Variants in FGF12 observed in about 807,000 individuals in gnomAD.
The protein encoded by FGF12 is fibroblast growth factor 12B.
In FGF12, 14 loss-of-function variants were observed where a neutral mutation model predicts 23.6. The ratio of observed to expected loss-of-function variants is 0.59; its 90% CI spans 0.39 to 0.93. The LOEUF (loss-of-function observed/expected upper bound fraction) is 0.93, where lower values mean the gene tolerates loss of function less well. Among genes scored for constraint, FGF12 ranks in the 40% least tolerant of loss-of-function variants. FGF12 has a pLI of 0.00. For synonymous variants in FGF12, 62 were observed against 77.3 expected (o/e 0.80, Z 1.04); for missense variants, 175 against 217.8 (o/e 0.80, Z 1.24).
At chr3:192,251,566 G>A (rs1712014530) in intron 4 of FGF12, among the ~76,000 whole-genome samples, 1 of 152,042 alleles carries the variant, frequency 6.6e-6, no homozygotes, top group African/African-American at 2.4e-5. Context: ...ATTCATAATA[G>A]CTCCAAACTG....
chr3:192,189,241 G>A (rs1351941831), intron 4 of FGF12, among the ~76,000 whole-genome samples: 1 of 152,054 alleles, frequency 6.6e-6, no homozygotes, highest in East Asian at 1.9e-4. Flanking sequence ...CCCATACTTG[G>A]AGGAATCCAA....
intron 4 of FGF12, among the ~76,000 whole-genome samples, chr3:192,269,280 A>C (rs1673543595): frequency 6.6e-6 from 1 of 152,232 alleles, no homozygotes; most frequent in South Asian, 2.1e-4. Context: ...AAATTTAAAA[A>C]AATGCCTCTC....
At chr3:192,633,289 G>A (rs988328930) in intron 2 of FGF12, among the ~76,000 whole-genome samples, 8 of 152,066 alleles carry the variant, frequency 5.3e-5, no homozygotes, top group African/African-American at 1.9e-4. Context: ...CAAGTGATCC[G>A]CCTGCCTCTG....
At chr3:192,339,966 A>C (rs1376253394) in intron 3 of FGF12, among the ~76,000 whole-genome samples, 1 of 152,124 alleles carries the variant, frequency 6.6e-6, no homozygotes, top group East Asian at 1.9e-4. Flanking sequence ...AGTTCTTTTT[A>C]AGATAAAAAT....
chr3:192,368,894 G>T (rs1719103990), intron 2 of FGF12, among the ~76,000 whole-genome samples: 1 of 152,086 alleles, frequency 6.6e-6, no homozygotes, highest in African/African-American at 2.4e-5. Context: ...AGACACCTCT[G>T]CCTGAAAAGC....
chr3:192,416,848 AAAAC>A (rs1721373483), intron 2 of FGF12, among the ~76,000 whole-genome samples: 1 of 152,178 alleles, frequency 6.6e-6, no homozygotes, highest in South Asian at 2.1e-4. Flanking sequence ...GTCTACAGCC[AAAAC>A]AGACAGACAG....
At chr3:192,284,164 T>C (rs1163697339) in intron 4 of FGF12, among the ~76,000 whole-genome samples, 1 of 152,094 alleles carries the variant, frequency 6.6e-6, no homozygotes, top group African/African-American at 2.4e-5. Context: ...GTCCCTATTT[T>C]CTACTAGTTA....
intron 2 of FGF12, among the ~76,000 whole-genome samples, chr3:192,628,250 G>A (rs1055041643): frequency 1.4e-4 from 21 of 151,968 alleles, no homozygotes; most frequent in Non-Finnish European, 2.6e-4. Context: ...CCATTCTCCT[G>A]TTTTAGGATA....
intron 2 of FGF12, among the ~76,000 whole-genome samples, chr3:192,701,458 C>T (rs1286091113): frequency 1.3e-5 from 2 of 152,302 alleles, no homozygotes; most frequent in East Asian, 3.9e-4. Context: ...CAGTGAAACT[C>T]TTTTCATCAA....
chr3:192,610,964 A>G (rs1714529400), intron 2 of FGF12, among the ~76,000 whole-genome samples: 1 of 151,944 alleles, frequency 6.6e-6, no homozygotes. Context: ...TACTCCCTAT[A>G]ACCGTTTCTG....
At chr3:192,712,058 CAAAT>C (rs1452259015) in intron 2 of FGF12, among the ~76,000 whole-genome samples, 4 of 146,136 alleles carry the variant, frequency 2.7e-5, no homozygotes, top group South Asian at 2.1e-4. Context: ...AGAAAACAGA[CAAAT>C]AAGCCTCTTG....
intron 4 of FGF12, among the ~76,000 whole-genome samples, chr3:192,183,988 C>T (rs1377880444): frequency 6.6e-6 from 1 of 152,018 alleles, no homozygotes; most frequent in Non-Finnish European, 1.5e-5. Flanking sequence ...TTTGCGAGGT[C>T]GAGGTGGGCA....
chr3:192,334,279 T>C (rs1326998479), intron 4 of FGF12, among the ~76,000 whole-genome samples: 1 of 152,068 alleles, frequency 6.6e-6, no homozygotes, highest in Admixed American at 6.6e-5. Flanking sequence ...AACACCATAT[T>C]TGAGAGTATC....
chr3:192,608,179 A>G (rs1420502997), intron 2 of FGF12, among the ~76,000 whole-genome samples: 1 of 152,150 alleles, frequency 6.6e-6, no homozygotes, highest in Non-Finnish European at 1.5e-5. Context: ...AAGTGATGAC[A>G]GTTAATGGGT....
At chr3:192,596,737 A>G (rs1827545) in intron 2 of FGF12, among the ~76,000 whole-genome samples, 34,348 of 152,150 alleles carry the variant, frequency 0.23, 4,588 homozygotes, top group East Asian at 0.34. Flanking sequence ...TTACTCACAA[A>G]TTACAGAAAG....
At chr3:192,268,457 G>T (rs1245359866) in intron 4 of FGF12, among the ~76,000 whole-genome samples, 1 of 152,168 alleles carries the variant, frequency 6.6e-6, no homozygotes, top group African/African-American at 2.4e-5. Flanking sequence ...ATCTCATTTT[G>T]AAATGTAATC....
At chr3:192,652,531 G>A (rs1716251246) in intron 2 of FGF12, among the ~76,000 whole-genome samples, 1 of 152,230 alleles carries the variant, frequency 6.6e-6, no homozygotes, top group African/African-American at 2.4e-5. Flanking sequence ...CACAGAGGAT[G>A]TTTACTTGCT....
intron 2 of FGF12, among the ~76,000 whole-genome samples, chr3:192,377,281 G>A (rs2366672): frequency 0.16 from 24,278 of 152,134 alleles, 2,463 homozygotes; most frequent in South Asian, 0.28. Context: ...TAAAGGTTAA[G>A]CCTGATGCTC....
At chr3:192,277,058 T>C (rs1241567148) in intron 4 of FGF12, among the ~76,000 whole-genome samples, 2 of 152,232 alleles carry the variant, frequency 1.3e-5, no homozygotes, top group African/African-American at 2.4e-5. Flanking sequence ...AAAGGCTTCA[T>C]GTCATGTAAA....
Sources: gnomAD v4.1 joint callset for allele counts (sites outside exome capture counted in the v4.1 genomes callset) on GRCh38, gnomAD v4.1.1 for gene constraint, MANE v1.5 for transcripts, NCBI Gene and HGNC (gene_info 2026-07-23, HGNC 2026-07-21) for gene names.